Variants in COL19A1 observed in about 807,000 individuals in gnomAD.
COL19A1 encodes collagen type XIX alpha 1 chain.
In COL19A1, 159 loss-of-function variants were observed where a neutral mutation model predicts 190.2. The observed-to-expected ratio is 0.84, with a 90% confidence interval of 0.73 to 0.95. COL19A1 has a LOEUF of 0.95. Ranked by LOEUF, COL19A1 falls within the 40% of genes least tolerant of loss-of-function variation. The probability of loss-of-function intolerance (pLI) is 0.00; values close to 1 mark genes in which losing one functional copy is unlikely to be tolerated. For synonymous variants in COL19A1, 509 were observed against 458.9 expected, an observed-to-expected ratio of 1.11 and a Z score of -1.39; for missense variants, 1,418 against 1,431.9, an observed-to-expected ratio of 0.99 and a Z score of 0.16.
At chr6:69,870,633 G>A (rs1767768417) in intron 1 of COL19A1, among the ~76,000 whole-genome samples, 1 of 152,214 alleles carries the variant, frequency 6.6e-6, no homozygotes, top group South Asian at 2.1e-4. Flanking sequence ...AGAGCCTTGA[G>A]TGCCTCACTT....
At chr6:70,109,670 G>A (rs1380039343) in intron 16 of COL19A1, among the ~76,000 whole-genome samples, 1 of 151,332 alleles carries the variant, frequency 6.6e-6, no homozygotes, top group Non-Finnish European at 1.5e-5. Context: ...ATTGTTTTTA[G>A]CCCATTATCT....
chr6:70,108,925 G>T (rs964092249), intron 16 of COL19A1, among the ~76,000 whole-genome samples: 1 of 152,088 alleles, frequency 6.6e-6, no homozygotes, highest in Admixed American at 6.6e-5. Flanking sequence ...ACAATTAAAA[G>T]AGTAAATTTA....
intron 6 of COL19A1, 92 bp downstream of exon 6, chr6:69,929,792 T>TAAA: frequency 1.9e-5 from 23 of 1,187,022 alleles, no homozygotes; most frequent in Non-Finnish European, 2.6e-5. Context: ...TACTGTGTAA[T>TAAA]AGATTCCCTT....
At chr6:69,944,272 G>A (rs1773650777) in intron 9 of COL19A1, among the ~76,000 whole-genome samples, 1 of 152,050 alleles carries the variant, frequency 6.6e-6, no homozygotes, top group Admixed American at 6.6e-5. Context: ...CTGACACATT[G>A]TCATCACGCA....
intron 11 of COL19A1, among the ~76,000 whole-genome samples, chr6:70,001,303 G>A (rs978487583): frequency 3.3e-5 from 5 of 152,180 alleles, no homozygotes; most frequent in African/African-American, 7.2e-5. Context: ...CAGGTAGCGT[G>A]ATGCCTCCAG....
rs1213723022 is a variant in COL19A1, at chr6:70,188,085, G to A, written c.2867G>A (p.Gly956Glu). ...RGPKGERGDQ[G>E]IPGDRGSQGE... ...TTTTTTCCTTAACAGGGTGATCAGG[G>A]GATTCCAGGAGACAGAGGCTCACAA... The change falls in exon 47 of 51, where the codon GGG becomes GAG. Residue 956 changes from glycine to glutamate, a missense_variant. By Grantham distance (98) the Gly-to-Glu change is moderately conservative. Coordinates refer to ENST00000620364, the MANE Select transcript of COL19A1 (RefSeq NM_001858.6). The A allele has an allele frequency of 1.9e-6, 3 of 1,613,314 alleles. No individual in the cohort carries two copies. The East Asian group carries it at 6.7e-5, about 36-fold the overall frequency.
intron 15 of COL19A1, among the ~76,000 whole-genome samples, chr6:70,082,734 A>T (rs1782337238): frequency 6.6e-6 from 1 of 152,196 alleles, no homozygotes; most frequent in African/African-American, 2.4e-5. Flanking sequence ...GATAAAAGTT[A>T]TCCTCTAAAA....
intron 50 of COL19A1, 71 bp from the exon 51 acceptor site, chr6:70,207,076 G>C: frequency 6.2e-7 from 1 of 1,603,094 alleles, no homozygotes; most frequent in Non-Finnish European, 8.5e-7. Flanking sequence ...AGTGATCCAT[G>C]TTGGCTAGAG....
intron 16 of COL19A1, among the ~76,000 whole-genome samples, chr6:70,113,024 C>T (rs1051407133): frequency 1.3e-5 from 2 of 152,202 alleles, no homozygotes; most frequent in African/African-American, 4.8e-5. Context: ...TGCAATCCTT[C>T]ACCTGTTAAT....
chr6:70,186,334 T>C lies in COL19A1; in HGVS notation c.2856+1419T>C, dbSNP rs1766510811. ...GTATTAATCATTGATCAAAGTGTGC[T>C]AATATTTTTTCTTGTCATCTCAGAA... is the stretch of plus-strand genomic sequence containing the variant. On this transcript the variant is annotated intron_variant, in intron 46 of 50. Coordinates refer to ENST00000620364, the MANE Select transcript of COL19A1 (RefSeq NM_001858.6). Among the ~76,000 whole-genome samples the C allele has an allele frequency of 2.0e-5, 3 of 152,216 alleles. No individual in the cohort carries two copies. The South Asian group carries it at 6.2e-4, about 32-fold the overall frequency.
chr6:70,198,398 C>T (rs1286462563), intron 48 of COL19A1, among the ~76,000 whole-genome samples: 1 of 151,972 alleles, frequency 6.6e-6, no homozygotes, highest in Non-Finnish European at 1.5e-5. Context: ...AAAATAAAAC[C>T]ATTTAAATTA....
chr6:70,205,481 A>G (rs1440497590), intron 49 of COL19A1, among the ~76,000 whole-genome samples: 5 of 152,224 alleles, frequency 3.3e-5, no homozygotes. Context: ...ATCACAGCCT[A>G]CTGTTTCCTA....
At chr6:69,883,959 A>T (rs1266087363) in intron 2 of COL19A1, among the ~76,000 whole-genome samples, 5 of 152,152 alleles carry the variant, frequency 3.3e-5, no homozygotes, top group South Asian at 2.1e-4. Context: ...ATAATAATAA[A>T]AAAAAAGTGT....
chr6:69,915,127 G>A (rs1409693191), intron 4 of COL19A1, among the ~76,000 whole-genome samples: 1 of 152,014 alleles, frequency 6.6e-6, no homozygotes, highest in African/African-American at 2.4e-5. Flanking sequence ...GTTCTTTTAG[G>A]AACACTGAAC....
chr6:69,921,535 TA>T (rs1771930786), intron 4 of COL19A1, among the ~76,000 whole-genome samples: 1 of 103,270 alleles, frequency 9.7e-6, no homozygotes, highest in African/African-American at 4.9e-5. Flanking sequence ...TATATTCATG[TA>T]TATTCATATA....
chr6:69,949,833 C>T (rs1378897099), intron 9 of COL19A1, among the ~76,000 whole-genome samples: 1 of 151,778 alleles, frequency 6.6e-6, no homozygotes, highest in Non-Finnish European at 1.5e-5. Context: ...CTTAAGAGTA[C>T]TGTTAAAAAA....
Position 69,976,399 on chromosome 6 carries a change from AT to A in COL19A1, c.1026+13532del, listed in dbSNP as rs568178885. Among the ~76,000 whole-genome samples the A allele has an allele frequency of 9.8e-4, 150 of 152,316 alleles. No individual in the cohort carries two copies. In the South Asian group the frequency reaches 0.01, roughly 10 times the overall value. Reference sequence around the variant, plus strand: ...AATATATTTGTTTATTCAATCATCCATTTATTTGATCATTTAGGACCCATTT... The same window carrying A: ...AATATATTTGTTTATTCAATCATCCATTATTTGATCATTTAGGACCCATTT... On this transcript the variant is annotated intron_variant, in intron 11 of 50. Coordinates refer to ENST00000620364, the MANE Select transcript of COL19A1 (RefSeq NM_001858.6).
Position 70,118,096 on chromosome 6 carries a change from C to T in COL19A1, c.1279-3784C>T, listed in dbSNP as rs573216266. 2.4e-4 allele frequency among the ~76,000 whole-genome samples: 36 copies of T among 152,298 alleles called. No individual in the cohort carries two copies. The East Asian group carries it at 4.6e-3, about 20-fold the overall frequency. ...ATGCCGAGAGATCTGTCACTTACCACAAGTCTTTAACTTCTTTCTTGGAGT... is the reference window on the plus strand; with the variant it reads ...ATGCCGAGAGATCTGTCACTTACCATAAGTCTTTAACTTCTTTCTTGGAGT... On this transcript the variant is annotated intron_variant, in intron 16 of 50. Transcript: ENST00000620364.
At chr6:70,127,798 T>C (rs1785289517) in intron 17 of COL19A1, among the ~76,000 whole-genome samples, 1 of 152,096 alleles carries the variant, frequency 6.6e-6, no homozygotes, top group Non-Finnish European at 1.5e-5. Context: ...CTCACACCCA[T>C]GATTCAATTA....
Sources: gnomAD v4.1 joint callset for allele counts (sites outside exome capture counted in the v4.1 genomes callset) on GRCh38, gnomAD v4.1.1 for gene constraint, MANE v1.5 for transcripts, NCBI Gene and HGNC (gene_info 2026-07-23, HGNC 2026-07-21) for gene names.